Variants in SRSF11 observed in about 807,000 individuals in gnomAD.
SRSF11 encodes the protein serine/arginine-rich splicing factor 11.
In SRSF11, 9 loss-of-function variants were observed where a neutral mutation model predicts 56.0. The observed-to-expected ratio is 0.16, with a 90% CI of 0.10 to 0.28. The LOEUF (loss-of-function observed/expected upper bound fraction) is 0.28. SRSF11 is among the 10% of genes least tolerant of loss of function. SRSF11 has a pLI of 1.00. For synonymous variants in SRSF11, 222 were observed against 215.3 expected, an observed-to-expected ratio of 1.03 and a Z score of -0.27; for missense variants, 421 against 600.7, an observed-to-expected ratio of 0.70 and a Z score of 3.13.
At chr1:70,238,971 C>T (rs960540371) in intron 6 of SRSF11, among the ~76,000 whole-genome samples, 2 of 152,108 alleles carry the variant, frequency 1.3e-5, no homozygotes, top group East Asian at 3.9e-4. Context: ...GCTTCAAAAT[C>T]GTGATTATAA....
intron 1 of SRSF11, 59 bp downstream of exon 1, chr1:70,221,898 A>C: frequency 6.2e-7 from 1 of 1,600,310 alleles, no homozygotes; most frequent in Non-Finnish European, 8.5e-7. Flanking sequence ...GGCCTAACAC[A>C]CACAATTTCC....
intron 1 of SRSF11, among the ~76,000 whole-genome samples, chr1:70,225,686 T>G (rs1183582076): frequency 1.3e-5 from 2 of 152,114 alleles, no homozygotes; most frequent in Non-Finnish European, 2.9e-5. Context: ...GATTCTGAAA[T>G]AGCCCTCAGA....
chr1:70,230,551 A>T (rs1345301720), intron 2 of SRSF11: 1 of 1,281,434 alleles, frequency 7.8e-7, no homozygotes, highest in South Asian at 1.3e-5. Flanking sequence ...CTACACATTC[A>T]TGCAGTATTT....
rs1182992844 is a variant in SRSF11, at chr1:70,221,447, C to A, written c.-190C>A. The A allele has an allele frequency of 2.4e-6, 2 of 819,282 alleles. No homozygotes were observed. The highest frequency in any genetic ancestry group is 1.8e-5 in the South Asian group (1 of 55,188). The allele number at this position is 819,282 out of a possible 1,614,324, so 50.8% of individuals were successfully genotyped here. On this transcript the variant is annotated 5_prime_UTR_variant, in exon 1 of 12. Coordinates refer to ENST00000370949, the MANE Select transcript of SRSF11 (RefSeq NM_001350605.2). The stretch of plus-strand genomic sequence containing the variant: ...TCGTGGTCTCGAGCTCGCGCGCTCT[C>A]ATCCCCTCCCCCGCGGCGTGCGGCG...
At chr1:70,231,593 C>T (rs1672851695) in intron 2 of SRSF11, 12 of 1,127,778 alleles carry the variant, frequency 1.1e-5, no homozygotes, top group Non-Finnish European at 1.3e-5. Flanking sequence ...GTTGTTTTAC[C>T]TATCTCTCTT....
At chr1:70,214,332 G>A (rs1012667318) in intron 1 of SRSF11, among the ~76,000 whole-genome samples, 6 of 151,204 alleles carry the variant, frequency 4.0e-5, no homozygotes, top group African/African-American at 1.5e-4. Flanking sequence ...CTTTTGAGCC[G>A]ATTAAACAAA....
chr1:70,226,725 C>T (rs934286057), intron 1 of SRSF11, among the ~76,000 whole-genome samples: 6 of 152,112 alleles, frequency 3.9e-5, no homozygotes, highest in African/African-American at 7.2e-5. Flanking sequence ...ATGTGAAGTG[C>T]CATAGCTTAC....
chr1:70,221,876 C>T (rs1192326901), intron 1 of SRSF11, 37 bp downstream of exon 1: 5 of 1,611,316 alleles, frequency 3.1e-6, no homozygotes, highest in Non-Finnish European at 3.4e-6. Flanking sequence ...CTGCTAACGC[C>T]GCCTCAGCCT....
At chr1:70,210,051 T>C (rs1158037105) in intron 1 of SRSF11, among the ~76,000 whole-genome samples, 1 of 152,144 alleles carries the variant, frequency 6.6e-6, no homozygotes, top group Non-Finnish European at 1.5e-5. Flanking sequence ...TTTGGAATAA[T>C]GCATTTGTAT....
At chr1:70,223,855 T>G (rs567877227) in intron 1 of SRSF11, among the ~76,000 whole-genome samples, 1 of 152,344 alleles carries the variant, frequency 6.6e-6, no homozygotes, top group South Asian at 2.1e-4. Flanking sequence ...TAACATTGAA[T>G]GGCTCAGATT....
At chr1:70,206,450 A>G (rs573885951) in intron 1 of SRSF11, among the ~76,000 whole-genome samples, 16 of 152,048 alleles carry the variant, frequency 1.1e-4, no homozygotes. Context: ...AGTCCAGAAT[A>G]ATAGCAAATG....
At chr1:70,214,893 AG>A (rs1669867306) in intron 1 of SRSF11, among the ~76,000 whole-genome samples, 1 of 143,892 alleles carries the variant, frequency 6.9e-6, no homozygotes, top group Non-Finnish European at 1.5e-5. Context: ...TCTGCAGATA[AG>A]TTTTTTTTTT....
At chr1:70,234,886 G>C in intron 4 of SRSF11, 98 bp downstream of exon 4, 2 of 957,116 alleles carry the variant, frequency 2.1e-6, no homozygotes, top group South Asian at 3.7e-5. Context: ...TAATGGCTAT[G>C]TTGTAGTAAT....
chr1:70,211,101 C>G (rs978584679), intron 1 of SRSF11, among the ~76,000 whole-genome samples: 3 of 151,760 alleles, frequency 2.0e-5, no homozygotes, highest in African/African-American at 7.3e-5. Flanking sequence ...TATTCTTGCT[C>G]TTTTTTCCAA....
In SRSF11 at chr1:70,250,500, A is replaced by G; in HGVS notation, c.1254A>G (p.Val418=). ...RERKSESDKD[V]KQVTRDYDEE... ...GAAAATCAGAGAGTGATAAAGATGT[A>G]AAAGTATGTTTACAAATTGATTTAT... Residue 418 remains valine, a synonymous_variant, in exon 11 of 12, where the codon GTA becomes GTG. Coordinates refer to ENST00000370949, the MANE Select transcript of SRSF11 (RefSeq NM_001350605.2). The G allele has an allele frequency of 1.2e-6, 2 of 1,605,968 alleles. No individual in the cohort carries two copies. The highest frequency in any genetic ancestry group is 1.7e-6 in the Non-Finnish European group (2 of 1,174,344).
chr1:70,231,231 TTAATA>T, intron 2 of SRSF11: 1 of 1,227,678 alleles, frequency 8.1e-7, no homozygotes, highest in South Asian at 1.4e-5. Context: ...ATGCAGTTTC[TTAATA>T]TGTATTACAG....
intron 6 of SRSF11, among the ~76,000 whole-genome samples, chr1:70,238,610 T>C (rs1451612559): frequency 6.6e-6 from 1 of 152,224 alleles, no homozygotes; most frequent in Non-Finnish European, 1.5e-5. Context: ...AGAGGAGTGA[T>C]GAGCAGATAA....
At chr1:70,208,743 C>A (rs1228191268) in intron 1 of SRSF11, among the ~76,000 whole-genome samples, 1 of 152,204 alleles carries the variant, frequency 6.6e-6, no homozygotes, top group African/African-American at 2.4e-5. Context: ...TGGATGGAAA[C>A]TGAAAGCTAA....
intron 2 of SRSF11, chr1:70,230,482 A>T: frequency 8.1e-7 from 1 of 1,231,770 alleles, no homozygotes; most frequent in South Asian, 1.4e-5. Flanking sequence ...GGATTTGGGG[A>T]TTTTTTAGGT....
Sources: gnomAD v4.1 joint callset for allele counts (sites outside exome capture counted in the v4.1 genomes callset) on GRCh38, gnomAD v4.1.1 for gene constraint, MANE v1.5 for transcripts, NCBI Gene and HGNC (gene_info 2026-07-23, HGNC 2026-07-21) for gene names.